EXOC6B: variants seen among roughly 807,000 people sequenced by gnomAD.
EXOC6B encodes exocyst complex component 6B.
In EXOC6B, 54 loss-of-function variants were observed where a neutral mutation model predicts 113.5. The ratio of observed to expected loss-of-function variants is 0.48; its 90% CI spans 0.38 to 0.60. The LOEUF (loss-of-function observed/expected upper bound fraction) is 0.60. Ranked by LOEUF, EXOC6B falls within the 20% of genes least tolerant of loss-of-function variation. The pLI, the probability that EXOC6B is intolerant of heterozygous loss-of-function variation, is 0.00. For missense variants in EXOC6B, 797 were observed against 977.5 expected (o/e 0.82, Z 2.46); for synonymous variants, 357 against 339.0 (o/e 1.05, Z -0.58).
At position 72,248,282 on chromosome 2, in the gene EXOC6B, C is replaced by T. The variant is rs60903274; in HGVS notation, c.2197-64095G>A. 6.7e-3 allele frequency among the ~76,000 whole-genome samples: 1,024 copies of T among 152,224 alleles called. 8 individuals are homozygous for T. The highest frequency in any genetic ancestry group is 0.023 in the African/African-American group (958 of 41,526). On this transcript the variant is annotated intron_variant, in intron 20 of 21. Transcript: ENST00000272427. ...TTCATTTTGTGTTCATATTTATCAA[C>T]TAAATTGAAGCTCTTTGAAGAAGGG...
intron 18 of EXOC6B, among the ~76,000 whole-genome samples, chr2:72,395,331 C>A (rs1223890649): frequency 6.6e-6 from 1 of 152,102 alleles, no homozygotes; most frequent in Non-Finnish European, 1.5e-5. Context: ...TTAACTTCCA[C>A]ATACAACTTA....
At chr2:72,290,317 G>A (rs1363796535) in intron 20 of EXOC6B, among the ~76,000 whole-genome samples, 1 of 152,068 alleles carries the variant, frequency 6.6e-6, no homozygotes. Context: ...TTCCTCCAGA[G>A]AACCATGACT....
chr2:72,575,466 A>G, intron 7 of EXOC6B, 26 bp downstream of exon 7: 1 of 1,589,274 alleles, frequency 6.3e-7, no homozygotes, highest in Non-Finnish European at 8.5e-7. Flanking sequence ...AAATAGTCTC[A>G]CTTCCCAACA....
intron 18 of EXOC6B, among the ~76,000 whole-genome samples, chr2:72,391,323 G>A (rs1455493408): frequency 6.6e-6 from 1 of 152,082 alleles, no homozygotes; most frequent in African/African-American, 2.4e-5. Flanking sequence ...GTACTGAAGT[G>A]TGCATTGGCA....
chr2:72,707,702 G>C (rs543692551), intron 6 of EXOC6B, among the ~76,000 whole-genome samples: 8 of 151,988 alleles, frequency 5.3e-5, no homozygotes, highest in Admixed American at 3.3e-4. Context: ...GTGAGCCACC[G>C]CACCCAGCCT....
intron 18 of EXOC6B, among the ~76,000 whole-genome samples, chr2:72,456,631 A>G (rs1697251668): frequency 6.6e-6 from 1 of 152,174 alleles, no homozygotes; most frequent in African/African-American, 2.4e-5. Context: ...CTTACAAAGT[A>G]CATATCCTCC....
At chr2:72,701,846 T>G (rs1278306809) in intron 6 of EXOC6B, among the ~76,000 whole-genome samples, 1 of 152,184 alleles carries the variant, frequency 6.6e-6, no homozygotes, top group Non-Finnish European at 1.5e-5. Flanking sequence ...CTTTCGAATG[T>G]TCTACTTCCC....
chr2:72,193,779 G>A (rs949035706), intron 20 of EXOC6B, among the ~76,000 whole-genome samples: 1 of 152,074 alleles, frequency 6.6e-6, no homozygotes, highest in Non-Finnish European at 1.5e-5. Flanking sequence ...AGACAAATGA[G>A]GCCTCATATG....
At position 72,546,223 on chromosome 2, in the gene EXOC6B, C is replaced by T. The variant is rs576423046; in HGVS notation, c.915+13230G>A. ...CAGCACTTTGGGAGGCCGAGGTGGG[C>T]GGATCACCTGAAATCAAGAGTTGGA... On this transcript the variant is annotated intron_variant, in intron 8 of 21. Coordinates refer to ENST00000272427, the MANE Select transcript of EXOC6B (RefSeq NM_015189.3). Among the ~76,000 whole-genome samples the T allele has an allele frequency of 2.6e-5, 4 of 152,184 alleles. No individual in the cohort carries two copies. The East Asian group carries it at 5.8e-4, about 22-fold the overall frequency.
chr2:72,445,289 C>G (rs1696499485), intron 18 of EXOC6B, among the ~76,000 whole-genome samples: 1 of 152,184 alleles, frequency 6.6e-6, no homozygotes, highest in African/African-American at 2.4e-5. Context: ...ATATTGCTAT[C>G]AGGCTTTTGA....
At chr2:72,215,667 C>T (rs1680477778) in intron 20 of EXOC6B, among the ~76,000 whole-genome samples, 1 of 152,064 alleles carries the variant, frequency 6.6e-6, no homozygotes, top group African/African-American at 2.4e-5. Context: ...CAACTAAAAG[C>T]TGAGCGCGTA....
chr2:72,301,816 T>A (rs1156511517), intron 20 of EXOC6B, among the ~76,000 whole-genome samples: 1 of 152,032 alleles, frequency 6.6e-6, no homozygotes, highest in Non-Finnish European at 1.5e-5. Context: ...ATCCTGTGAA[T>A]TTTTTTTGTG....
At chr2:72,417,111 TA>T (rs980000456) in intron 18 of EXOC6B, among the ~76,000 whole-genome samples, 6 of 152,208 alleles carry the variant, frequency 3.9e-5, no homozygotes, top group African/African-American at 1.4e-4. Context: ...AGTCAGCTTA[TA>T]CTCAATTATA....
chr2:72,257,847 T>G (rs1042194779), intron 20 of EXOC6B, among the ~76,000 whole-genome samples: 1 of 152,146 alleles, frequency 6.6e-6, no homozygotes, highest in African/African-American at 2.4e-5. Flanking sequence ...GGTCACATGG[T>G]CCCAGACAGT....
At position 72,708,026 on chromosome 2, in the gene EXOC6B, C is replaced by T. The variant is rs559111846; in HGVS notation, c.669+10077G>A. Among the ~76,000 whole-genome samples, 8 of 151,988 alleles carry T rather than the reference C, an allele frequency of 5.3e-5. No homozygotes were observed. The South Asian group carries it at 1.2e-3, about 24-fold the overall frequency. ...TGAAAGAATTCACAATGGATCAATA[C>T]ACTTGACTCTACAAAATATTAAATT... On this transcript the variant is annotated intron_variant, in intron 6 of 21. Transcript: ENST00000272427.
chr2:72,258,390 G>T, intron 20 of EXOC6B, among the ~76,000 whole-genome samples: 1 of 143,218 alleles, frequency 7.0e-6, no homozygotes, highest in Non-Finnish European at 1.5e-5. Context: ...TTGAGACAGG[G>T]TGTTACTCTG....
At chr2:72,393,192 C>G (rs926732979) in intron 18 of EXOC6B, among the ~76,000 whole-genome samples, 1 of 151,882 alleles carries the variant, frequency 6.6e-6, no homozygotes, top group East Asian at 1.9e-4. Flanking sequence ...CCTCCCAGTT[C>G]AAGCAATTCT....
At chr2:72,370,688 T>A (rs560088959) in intron 19 of EXOC6B, among the ~76,000 whole-genome samples, 1,923 of 152,138 alleles carry the variant, frequency 0.013, 19 homozygotes, top group Non-Finnish European at 0.017. Context: ...AGCCATAAAA[T>A]ATGATGAGTT....
rs533448138 is a variant in EXOC6B, at chr2:72,442,611, GC to G, written c.1980+22548del. On this transcript the variant is annotated intron_variant, in intron 18 of 21. Transcript: ENST00000272427. ...ATACACCAACAACAGCCAAGCTGAA[GC>G]CAAATCAGGAATGCAGTCCCATTCA... 9.3e-4 allele frequency among the ~76,000 whole-genome samples: 142 copies of G among 152,254 alleles called. 2 individuals carry two copies. The South Asian group carries it at 0.029, about 31-fold the overall frequency.
Sources: gnomAD v4.1 joint callset for allele counts (sites outside exome capture counted in the v4.1 genomes callset) on GRCh38, gnomAD v4.1.1 for gene constraint, MANE v1.5 for transcripts, NCBI Gene and HGNC (gene_info 2026-07-23, HGNC 2026-07-21) for gene names.